The following WWOX variants were observed in gnomAD, a reference collection of about 807,000 sequenced individuals.
The protein encoded by WWOX is WW domain containing oxidoreductase, also known as WW domain-containing oxidoreductase.
WWOX carries 69 observed loss-of-function variants against 46.2 expected under a neutral mutation model. That is an observed-to-expected ratio of 1.49 (90% confidence interval 1.23 to 1.82). WWOX has a LOEUF of 1.82. WWOX is among the 40% of genes most tolerant of loss of function. The pLI is 0.00. For missense variants in WWOX, 919 were observed against 542.6 expected (o/e 1.69, Z -6.89); for synonymous variants, 359 against 202.6 (o/e 1.77, Z -6.56).
chr16:78,146,087 C>T (rs2034188052), intron 4 of WWOX, among the ~76,000 whole-genome samples: 1 of 152,124 alleles, frequency 6.6e-6, no homozygotes, highest in Non-Finnish European at 1.5e-5. Flanking sequence ...ATGGTGTGTG[C>T]TTAGGGGCAG....
intron 8 of WWOX, among the ~76,000 whole-genome samples, chr16:78,907,616 G>C (rs2045000033): frequency 6.6e-6 from 1 of 152,194 alleles, no homozygotes; most frequent in South Asian, 2.1e-4. Flanking sequence ...GGCTAGGTTA[G>C]ATCAGATCTC....
At chr16:78,223,499 A>G (rs2036957319) in intron 5 of WWOX, among the ~76,000 whole-genome samples, 1 of 151,552 alleles carries the variant, frequency 6.6e-6, no homozygotes, top group Admixed American at 6.6e-5. Flanking sequence ...TTGAGCTCCT[A>G]CCAAGTGGAA....
At chr16:78,331,050 A>C (rs556667226) in intron 5 of WWOX, among the ~76,000 whole-genome samples, 30 of 152,328 alleles carry the variant, frequency 2.0e-4, no homozygotes, top group African/African-American at 7.0e-4. Context: ...GTAGTAAATA[A>C]GATAATTTGT....
intron 8 of WWOX, among the ~76,000 whole-genome samples, chr16:78,859,062 A>ATATG (rs1247374418): frequency 7.7e-6 from 1 of 129,628 alleles, no homozygotes; most frequent in African/African-American, 3.0e-5. Context: ...ATATATATAT[A>ATATG]TATATATATA....
chr16:78,477,683 C>T (rs1444153565), intron 8 of WWOX, among the ~76,000 whole-genome samples: 2 of 151,884 alleles, frequency 1.3e-5, no homozygotes, highest in Non-Finnish European at 2.9e-5. Flanking sequence ...AGCCTATAAA[C>T]TGAAATGGCA....
At chr16:78,859,270 A>T (rs754721409) in intron 8 of WWOX, among the ~76,000 whole-genome samples, 1 of 151,596 alleles carries the variant, frequency 6.6e-6, no homozygotes, top group Non-Finnish European at 1.5e-5. Context: ...CTGAAAGGGA[A>T]GTGGAGAAGG....
chr16:78,131,017 C>T (rs12934734), intron 4 of WWOX, among the ~76,000 whole-genome samples: 43,699 of 152,020 alleles, frequency 0.29, 6,817 homozygotes, highest in East Asian at 0.37. Flanking sequence ...AGCATGGTAC[C>T]GAACTGAATA....
intron 4 of WWOX, among the ~76,000 whole-genome samples, chr16:78,137,533 T>G (rs1370014777): frequency 6.6e-6 from 1 of 152,204 alleles, no homozygotes; most frequent in Non-Finnish European, 1.5e-5. Flanking sequence ...GACCAAGTTC[T>G]TATTTTCTTC....
chr16:78,784,836 C>G (rs967710547), intron 8 of WWOX, among the ~76,000 whole-genome samples: 1 of 152,138 alleles, frequency 6.6e-6, no homozygotes, highest in Non-Finnish European at 1.5e-5. Context: ...CCAAGGGATA[C>G]TCATGGTTGA....
intron 6 of WWOX, among the ~76,000 whole-genome samples, chr16:78,413,249 T>G (rs1366412942): frequency 6.6e-6 from 1 of 152,006 alleles, no homozygotes; most frequent in Non-Finnish European, 1.5e-5. Context: ...AGGGAGCCAG[T>G]GAGTGATCTG....
At chr16:78,523,312 A>C (rs1413757678) in intron 8 of WWOX, among the ~76,000 whole-genome samples, 1 of 152,244 alleles carries the variant, frequency 6.6e-6, no homozygotes, top group Non-Finnish European at 1.5e-5. Context: ...TAAGGTAGAC[A>C]GCTGTAAACT....
chr16:78,298,760 C>T (rs2079986717), intron 5 of WWOX, among the ~76,000 whole-genome samples: 1 of 149,852 alleles, frequency 6.7e-6, no homozygotes, highest in African/African-American at 2.5e-5. Flanking sequence ...CATTGCACTC[C>T]AGCCTGGGCA....
chr16:78,492,413 G>C (rs73578907), intron 8 of WWOX, among the ~76,000 whole-genome samples: 11,669 of 152,224 alleles, frequency 0.077, 466 homozygotes, highest in African/African-American at 0.087. Flanking sequence ...TCTCATCTGT[G>C]GATAAAACTG....
chr16:78,437,062 C>T (rs2083351199), intron 8 of WWOX, among the ~76,000 whole-genome samples: 1 of 152,188 alleles, frequency 6.6e-6, no homozygotes, highest in Non-Finnish European at 1.5e-5. Context: ...AGAGAGGGTG[C>T]TTCCTTCTGA....
intron 8 of WWOX, among the ~76,000 whole-genome samples, chr16:78,797,038 C>T (rs952394276): frequency 6.6e-6 from 1 of 152,020 alleles, no homozygotes; most frequent in Non-Finnish European, 1.5e-5. Flanking sequence ...GTTGGCCAGT[C>T]TGGTCTGGAA....
chr16:78,921,175 C>G (rs2045369666), intron 8 of WWOX, among the ~76,000 whole-genome samples: 1 of 151,848 alleles, frequency 6.6e-6, no homozygotes, highest in African/African-American at 2.4e-5. Flanking sequence ...TTTTTTCAAA[C>G]ACTGTAATGA....
intron 8 of WWOX, among the ~76,000 whole-genome samples, chr16:79,191,991 C>A (rs1040471790): frequency 6.6e-6 from 1 of 152,212 alleles, no homozygotes; most frequent in African/African-American, 2.4e-5. Flanking sequence ...ATACCGCAAT[C>A]ACTTGAAACG....
intron 8 of WWOX, among the ~76,000 whole-genome samples, chr16:78,923,160 T>C (rs2045418699): frequency 6.6e-6 from 1 of 151,996 alleles, no homozygotes; most frequent in African/African-American, 2.4e-5. Flanking sequence ...TTTGTATTTT[T>C]AGTAGAGACG....
intron 5 of WWOX, among the ~76,000 whole-genome samples, chr16:78,383,214 G>A (rs976992506): frequency 6.6e-6 from 1 of 151,970 alleles, no homozygotes; most frequent in Non-Finnish European, 1.5e-5. Flanking sequence ...AACCACATCA[G>A]GTGACATCCC....
Sources: gnomAD v4.1 joint callset for allele counts (sites outside exome capture counted in the v4.1 genomes callset) on GRCh38, gnomAD v4.1.1 for gene constraint, MANE v1.5 for transcripts, NCBI Gene and HGNC (gene_info 2026-07-23, HGNC 2026-07-21) for gene names.